CELF2: variants seen among roughly 807,000 people sequenced by gnomAD.
CELF2 encodes the protein CUG triplet repeat RNA-binding protein 2.
A neutral mutation model predicts 62.6 loss-of-function variants in CELF2; 8 were observed. The ratio of observed to expected loss-of-function variants is 0.13; its 90% confidence interval spans 0.07 to 0.23. CELF2 has a LOEUF of 0.23. Among genes scored for constraint, CELF2 ranks in the 10% least tolerant of loss-of-function variants. CELF2 has a pLI of 1.00. For missense variants in CELF2, 333 were observed against 671.0 expected (o/e 0.50, Z 5.56); for synonymous variants, 258 against 250.0 (o/e 1.03, Z -0.30).
chr10:11,129,587 C>A (rs185832090), intron 1 of CELF2, among the ~76,000 whole-genome samples: 2 of 152,248 alleles, frequency 1.3e-5, no homozygotes, highest in African/African-American at 4.8e-5. Context: ...GATTCAACTT[C>A]TTCCTGGTTT....
At chr10:10,866,996 A>G (rs2060428388) in intron 1 of CELF2, among the ~76,000 whole-genome samples, 1 of 152,150 alleles carries the variant, frequency 6.6e-6, no homozygotes, top group East Asian at 1.9e-4. Flanking sequence ...AGAATAAGGC[A>G]TAAGTAAATA....
intron 1 of CELF2, among the ~76,000 whole-genome samples, chr10:11,124,859 A>T (rs1254022901): frequency 6.6e-6 from 1 of 152,186 alleles, no homozygotes; most frequent in African/African-American, 2.4e-5. Context: ...TTTCACTTTG[A>T]TTCACATATG....
chr10:10,688,872 T>G, the CELF2 span, among the ~76,000 whole-genome samples: 3 of 151,930 alleles, frequency 2.0e-5, no homozygotes, highest in Non-Finnish European at 4.4e-5. Flanking sequence ...GGTGTGGTGG[T>G]GGATGCCTGT....
chr10:11,248,947 G>A (rs1304046165), intron 3 of CELF2, among the ~76,000 whole-genome samples: 1 of 152,226 alleles, frequency 6.6e-6, no homozygotes, highest in Non-Finnish European at 1.5e-5. Context: ...TATGTTCTGT[G>A]TTACAGGGCC....
In CELF2 at chr10:11,324,454, C is replaced by G. The variant is rs936364636; in HGVS notation, c.1295-1382C>G. On this transcript the variant is annotated intron_variant, in intron 11 of 12. Transcript: ENST00000633077. This position sits in a 1 kb window ranked among gnomAD's most constrained non-coding sequence, Gnocchi z 4.7. ...CTTAAAACCAGAAAACATCTGGGGA[C>G]CAAAGGCCCCCCTGCAATTGTGTCC... Among the ~76,000 whole-genome samples the G allele has an allele frequency of 6.6e-6, 1 of 152,176 alleles. No individual in the cohort carries two copies. The highest frequency in any genetic ancestry group is 2.4e-5 in the African/African-American group (1 of 41,432).
At chr10:11,030,269 A>G in intron 1 of CELF2, 1 of 152,382 alleles carries the variant, frequency 6.6e-6, no homozygotes, top group South Asian at 2.1e-4. Flanking sequence ...TATTTTATCA[A>G]TAATTCTCAG....
intron 8 of CELF2, among the ~76,000 whole-genome samples, chr10:11,281,022 T>G (rs896995902): frequency 3.4e-5 from 3 of 88,592 alleles, no homozygotes; most frequent in East Asian, 9.4e-4. Context: ...GTGTGTGTGT[T>G]CAGAATGGGA....
chr10:10,698,977 A>C, the CELF2 span, among the ~76,000 whole-genome samples: 3 of 152,072 alleles, frequency 2.0e-5, no homozygotes, highest in Non-Finnish European at 4.4e-5. Flanking sequence ...TAATTATATT[A>C]TATAACATAC....
the CELF2 span, among the ~76,000 whole-genome samples, chr10:10,474,828 A>G: frequency 6.6e-6 from 1 of 152,124 alleles, no homozygotes; most frequent in Non-Finnish European, 1.5e-5. Context: ...CAAGGGGAAC[A>G]GTCAGGTGAG....
intron 1 of CELF2, among the ~76,000 whole-genome samples, chr10:10,846,467 CA>C (rs936938351): frequency 1.9e-4 from 29 of 151,368 alleles, no homozygotes; most frequent in Non-Finnish European, 2.8e-4. Flanking sequence ...AAATAACTTT[CA>C]AAAAAAAATC....
intron 3 of CELF2, among the ~76,000 whole-genome samples, chr10:11,245,801 G>A (rs927535852): frequency 2.6e-5 from 4 of 152,216 alleles, no homozygotes; most frequent in African/African-American, 9.6e-5. Context: ...TTAGACGAGT[G>A]TGTGTCTGCC....
At chr10:11,187,896 A>G (rs928645321) in intron 2 of CELF2, among the ~76,000 whole-genome samples, 15 of 152,342 alleles carry the variant, frequency 9.8e-5, no homozygotes, top group Admixed American at 4.6e-4. Context: ...TAAGAAAACT[A>G]TCTCGCCTGT....
chr10:11,269,436 C>G lies in CELF2; in HGVS notation c.619-1230C>G, dbSNP rs2083104143. On this transcript the variant is annotated intron_variant, in intron 6 of 12. Transcript: ENST00000633077. The surrounding 1 kb of genome is among the most constrained non-coding windows in gnomAD (Gnocchi z 4.4). Reference sequence around the variant, plus strand: ...ATAAGGAAAAAAATGCGTTTGTTTTCCAGAAAAGAGAAACATGACCCAAAG... The same window carrying G: ...ATAAGGAAAAAAATGCGTTTGTTTTGCAGAAAAGAGAAACATGACCCAAAG... 6.6e-6 allele frequency among the ~76,000 whole-genome samples: 1 copy of G among 151,868 alleles called. No homozygotes were observed. Among genetic ancestry groups the G allele is most frequent in the South Asian group, 2.1e-4 (1 of 4,814 alleles).
intron 1 of CELF2, among the ~76,000 whole-genome samples, chr10:10,835,876 T>G (rs2058248564): frequency 6.6e-6 from 1 of 152,112 alleles, no homozygotes; most frequent in Admixed American, 6.5e-5. Context: ...GCGGGGGCAG[T>G]GAGGCCAAGG....
intron 4 of CELF2, among the ~76,000 whole-genome samples, chr10:11,257,317 C>G (rs1411971789): frequency 1.8e-5 from 2 of 113,384 alleles, no homozygotes; most frequent in African/African-American, 6.7e-5. Context: ...CCCTGTCATT[C>G]AGGTTAAAAG....
In CELF2 at chr10:10,995,442, C is replaced by A. The variant is rs1480841180; in HGVS notation, c.89+75443C>A. On this transcript the variant is annotated intron_variant, in intron 2 of 13. Transcript: ENST00000636488. This position sits in a 1 kb window ranked among gnomAD's most constrained non-coding sequence, Gnocchi z 4.7. The stretch of plus-strand genomic sequence containing the variant: ...GGATACACAGAAATAAACCCAGTCA[C>A]AGGGTGGGGATCACTGGAGAGTTTT... Among the ~76,000 whole-genome samples the A allele has an allele frequency of 1.1e-4, 17 of 152,176 alleles. No homozygotes were observed. The highest frequency in any genetic ancestry group is 2.4e-4 in the Non-Finnish European group (16 of 68,026).
At chr10:11,040,600 T>G (rs2061670095) in intron 1 of CELF2, among the ~76,000 whole-genome samples, 1 of 152,184 alleles carries the variant, frequency 6.6e-6, no homozygotes, top group African/African-American at 2.4e-5. Flanking sequence ...TTTTTGTTGT[T>G]GTTCCTTGGT....
the CELF2 span, among the ~76,000 whole-genome samples, chr10:10,602,914 C>G: frequency 6.6e-6 from 1 of 152,060 alleles, no homozygotes; most frequent in Non-Finnish European, 1.5e-5. Context: ...CTGTCTTTTC[C>G]TAACTGGCAT....
the CELF2 span, among the ~76,000 whole-genome samples, chr10:10,685,744 A>G: frequency 3.3e-5 from 5 of 152,200 alleles, no homozygotes; most frequent in Non-Finnish European, 7.4e-5. Flanking sequence ...GGTTGAGACA[A>G]GTGTGAAAGA....
Sources: allele counts gnomAD v4.1 joint callset (sites outside exome capture counted in the v4.1 genomes callset), GRCh38; gene constraint gnomAD v4.1.1; non-coding constraint Gnocchi (gnomAD v3.1); transcripts MANE v1.5; gene names NCBI Gene and HGNC (gene_info 2026-07-23, HGNC 2026-07-21).